SEPTIN10: variants seen among roughly 807,000 people sequenced by gnomAD.
SEPTIN10 encodes septin-10.
In SEPTIN10, 66 loss-of-function variants were observed where a neutral mutation model predicts 54.8. That is an observed-to-expected ratio of 1.21 (90% CI 0.99 to 1.48). The LOEUF is 1.48. SEPTIN10 is among the 40% of genes most tolerant of loss of function. The pLI, the probability that SEPTIN10 is intolerant of heterozygous loss-of-function variation, is 0.00. For missense variants in SEPTIN10, 620 were observed against 545.6 expected (o/e 1.14, Z -1.36); for synonymous variants, 161 against 181.0 (o/e 0.89, Z 0.89).
Position 109,552,927 on chromosome 2 carries a change from T to A in SEPTIN10, c.1161+160A>T. ...AAAGTTTTCATTTAATTTCAGGCTA[T>A]GATTCTAAGTCAATATTCAAATACT... On this transcript the variant is annotated intron_variant, in intron 9 of 10. Coordinates refer to ENST00000397712, the MANE Select transcript of SEPTIN10 (RefSeq NM_144710.5). The A allele has an allele frequency of 8.9e-6, 7 of 785,278 alleles. No homozygotes were observed. In the South Asian group the frequency reaches 1.3e-4, roughly 15 times the overall value. The allele number at this position is 785,278 out of a possible 1,614,324, so 48.6% of individuals were successfully genotyped here.
In SEPTIN10 at chr2:109,613,822, G is replaced by A. The variant is rs1384261237; in HGVS notation, c.6C>T (p.Ala2=). The A allele has an allele frequency of 3.2e-6, 4 of 1,236,830 alleles. No homozygotes were observed. Among genetic ancestry groups the A allele is most frequent in the Admixed American group, 8.4e-5 (2 of 23,882 alleles). The allele number at this position is 1,236,830 out of a possible 1,614,324, so 76.6% of individuals were successfully genotyped here. A position where few individuals can be genotyped will look rare whatever the true frequency, so the allele number is the denominator to read the frequency against. The change falls in exon 1 of 11, where the codon GCC becomes GCT. Residue 2 remains alanine, a synonymous_variant. Coordinates refer to ENST00000397712, the MANE Select transcript of SEPTIN10 (RefSeq NM_144710.5). Reference sequence around the variant, plus strand: ...CCAGGTGCCGCGCCACCTCGGAGGAGGCCATGGTCGCGGGCAGGGGCACGG... The same window carrying A: ...CCAGGTGCCGCGCCACCTCGGAGGAAGCCATGGTCGCGGGCAGGGGCACGG... M[A]SSEVARHLLF...
chr2:109,576,191 T>A (rs1480415973), intron 4 of SEPTIN10, among the ~76,000 whole-genome samples: 1 of 152,126 alleles, frequency 6.6e-6, no homozygotes, highest in Non-Finnish European at 1.5e-5. Flanking sequence ...AGCCCAGAAA[T>A]TCAAAGCTGC....
chr2:109,612,287 G>T (rs1699418778), intron 1 of SEPTIN10, among the ~76,000 whole-genome samples: 2 of 151,738 alleles, frequency 1.3e-5, no homozygotes, highest in Non-Finnish European at 2.9e-5. Flanking sequence ...ATCACTGATT[G>T]TCTGGGGTTA....
Position 109,565,765 on chromosome 2 carries a change from T to G in SEPTIN10, c.857A>C (p.Gln286Pro). ...KARQYPWGVV[Q>P]VENENHCDFV... Reference sequence around the variant, plus strand: ...TAGTCATCCTTTGTCTCATTTACCTTGTACAACACCCCAAGGGTACTGGCG... The same window carrying G: ...TAGTCATCCTTTGTCTCATTTACCTGGTACAACACCCCAAGGGTACTGGCG... The change falls in exon 7 of 11, where the codon CAA (glutamine) becomes CCA (proline). Residue 286 changes from glutamine to proline, a missense_variant and splice_region_variant. By Grantham distance (76) the Gln-to-Pro change is moderately conservative (BLOSUM62 -1). Transcript: ENST00000397712. The G allele has an allele frequency of 1.2e-6, 2 of 1,613,136 alleles. No homozygotes were observed. Among genetic ancestry groups the G allele is most frequent in the African/African-American group, 1.3e-5 (1 of 75,002 alleles).
chr2:109,549,148 C>A (rs781735014), intron 9 of SEPTIN10, among the ~76,000 whole-genome samples: 1 of 152,110 alleles, frequency 6.6e-6, no homozygotes, highest in Non-Finnish European at 1.5e-5. Context: ...TCATTCAAAT[C>A]GGTGGCACAA....
chr2:109,596,192 C>G (rs77699264), intron 1 of SEPTIN10, among the ~76,000 whole-genome samples: 6,809 of 152,084 alleles, frequency 0.045, 532 homozygotes, highest in African/African-American at 0.16. Context: ...CCACCACACC[C>G]GGCTGAAAAT....
chr2:109,593,682 G>A (rs1463915154), intron 1 of SEPTIN10, among the ~76,000 whole-genome samples: 1 of 152,118 alleles, frequency 6.6e-6, no homozygotes, highest in Non-Finnish European at 1.5e-5. Context: ...AGGATTACAG[G>A]CATGAGCCAC....
intron 9 of SEPTIN10, chr2:109,552,780 T>C (rs1177308716): frequency 3.2e-5 from 8 of 253,112 alleles, no homozygotes; most frequent in Non-Finnish European, 6.0e-5. Flanking sequence ...ATTCAAGGCA[T>C]GGATTTCATG....
chr2:109,571,188 G>C (rs1229241709), intron 5 of SEPTIN10, among the ~76,000 whole-genome samples: 1 of 152,156 alleles, frequency 6.6e-6, no homozygotes, highest in East Asian at 1.9e-4. Flanking sequence ...CCCCAGCCAG[G>C]CTTCTTGTAC....
chr2:109,595,563 A>G (rs1695135712), intron 1 of SEPTIN10, among the ~76,000 whole-genome samples: 2 of 152,212 alleles, frequency 1.3e-5, no homozygotes, highest in South Asian at 2.1e-4. Flanking sequence ...GAGAAATTAG[A>G]GATCACTGAA....
chr2:109,564,078 C>T (rs1354186290), intron 8 of SEPTIN10: 1 of 316,660 alleles, frequency 3.2e-6, no homozygotes, highest in African/African-American at 2.1e-5. Flanking sequence ...AGGGTATTTT[C>T]CTTCAGTTAC....
intron 4 of SEPTIN10, among the ~76,000 whole-genome samples, chr2:109,581,234 GT>G (rs1691038347): frequency 6.6e-6 from 1 of 152,152 alleles, no homozygotes; most frequent in South Asian, 2.1e-4. Context: ...GAGGTCAGGA[GT>G]TCAACACCAG....
intron 1 of SEPTIN10, among the ~76,000 whole-genome samples, chr2:109,607,077 G>A (rs1459307977): frequency 1.9e-4 from 29 of 152,104 alleles, no homozygotes; most frequent in Admixed American, 1.9e-3. Flanking sequence ...GCTCTTCTCC[G>A]CTAATCCATG....
At chr2:109,589,496 C>T (rs955847143) in intron 2 of SEPTIN10, among the ~76,000 whole-genome samples, 1 of 151,936 alleles carries the variant, frequency 6.6e-6, no homozygotes, top group African/African-American at 2.4e-5. Context: ...TGCCACTGTG[C>T]TCCAGCCTGG....
intron 1 of SEPTIN10, 126 bp downstream of exon 1, chr2:109,613,672 G>C (rs1480389053): frequency 4.9e-6 from 3 of 615,254 alleles, no homozygotes; most frequent in Non-Finnish European, 6.9e-6. Flanking sequence ...AGCACTGGGC[G>C]GGCGGGGCCG....
chr2:109,601,178 G>C (rs899898935), intron 1 of SEPTIN10, among the ~76,000 whole-genome samples: 3 of 152,172 alleles, frequency 2.0e-5, no homozygotes, highest in Admixed American at 6.5e-5. Flanking sequence ...CTAGAGACTG[G>C]GGGATGAAAC....
Position 109,553,535 on chromosome 2 carries a change from C to T in SEPTIN10, c.1029-316G>A, listed in dbSNP as rs182397038. Among the ~76,000 whole-genome samples, 11 of 144,540 alleles carry T rather than the reference C, an allele frequency of 7.6e-5. No homozygotes were observed. In the East Asian group the frequency reaches 8.1e-4, roughly 11 times the overall value. The allele number at this position is 144,540 out of a possible 152,430, so 94.8% of individuals were successfully genotyped here. On this transcript the variant is annotated intron_variant, in intron 8 of 10. Transcript: ENST00000397712. Reference sequence around the variant, plus strand: ...CTCCAGCCTGGGTGACAGAGCGAGACTCTGTCTCCAAAAAAAAAAAAAAAG... The same window carrying T: ...CTCCAGCCTGGGTGACAGAGCGAGATTCTGTCTCCAAAAAAAAAAAAAAAG...
rs1329599321 is a variant in SEPTIN10, at chr2:109,564,439, A to G, written c.955T>C (p.Tyr319His). 2 of 1,599,308 alleles carry G rather than the reference A, an allele frequency of 1.3e-6. No homozygotes were observed. The highest frequency in any genetic ancestry group is 1.1e-5 in the South Asian group (1 of 87,874). The change falls in exon 8 of 11, where the codon TAT becomes CAT. Residue 319 changes from tyrosine (Y) to histidine (H), a missense_variant. Transcript: ENST00000397712. ...DLREQTHTRH[Y>H]ELYRRCKLEE... ...AGTTTGCAGCGCCTGTAAAGCTCAT[A>G]GTGCCTGGTATGGGTCTGCTCTCGC...
chr2:109,548,597 G>A (rs974185008), intron 9 of SEPTIN10, among the ~76,000 whole-genome samples: 1 of 151,976 alleles, frequency 6.6e-6, no homozygotes, highest in Non-Finnish European at 1.5e-5. Flanking sequence ...GCAACACGGG[G>A]AAACCCCGTC....
Sources: gnomAD v4.1 joint callset for allele counts (sites outside exome capture counted in the v4.1 genomes callset) on GRCh38, gnomAD v4.1.1 for gene constraint, MANE v1.5 for transcripts, NCBI Gene and HGNC (gene_info 2026-07-23, HGNC 2026-07-21) for gene names.